Variants in TMEM19 observed in about 807,000 individuals in gnomAD.
The protein encoded by TMEM19 is transmembrane protein 19.
A neutral mutation model predicts 33.6 loss-of-function variants in TMEM19; 21 were observed. The ratio of observed to expected loss-of-function variants is 0.62; its 90% confidence interval spans 0.44 to 0.90. The LOEUF is 0.90. Ranked by LOEUF, TMEM19 falls within the 40% of genes least tolerant of loss-of-function variation. The probability of loss-of-function intolerance (pLI) is 0.00; values close to 1 mark genes in which losing one functional copy is unlikely to be tolerated. For missense variants in TMEM19, 402 were observed against 401.8 expected, an observed-to-expected ratio of 1.00 and a Z score of 0.00; for synonymous variants, 149 against 147.5, an observed-to-expected ratio of 1.01 and a Z score of -0.07.
intron 4 of TMEM19, among the ~76,000 whole-genome samples, chr12:71,698,604 GAA>G (rs1249678064): frequency 2.1e-5 from 2 of 96,046 alleles, no homozygotes; most frequent in African/African-American, 5.3e-5. Flanking sequence ...CCTTGTCTCT[GAA>G]AAGAGAGAGA....
Position 71,687,912 on chromosome 12 carries a change from CAA to C in TMEM19, c.130+1104_130+1105del, listed in dbSNP as rs539913051. On this transcript the variant is annotated intron_variant, in intron 1 of 5. Coordinates refer to ENST00000266673, the MANE Select transcript of TMEM19 (RefSeq NM_018279.4). ...GCCATTTCAGACTGTAGGCTTTTTG[CAA>C]AGAGACATGTGAATAGTTGGAAAGG... Among the ~76,000 whole-genome samples, 63 of 152,176 alleles carry C rather than the reference CAA, an allele frequency of 4.1e-4. No homozygotes were observed. In the South Asian group the frequency reaches 0.012, roughly 30 times the overall value.
chr12:71,694,572 G>T (rs1269183169), intron 2 of TMEM19, among the ~76,000 whole-genome samples: 2 of 152,198 alleles, frequency 1.3e-5, no homozygotes, highest in East Asian at 3.8e-4. Context: ...AAACATCACT[G>T]TTCAGGCATG....
rs925264354 is a variant in TMEM19 at position 71,702,101 on chromosome 12, CTG to C, written c.*1107_*1108del. The C allele has an allele frequency of 6.6e-6, 1 of 152,114 alleles. No homozygotes were observed. Among genetic ancestry groups the C allele is most frequent in the Non-Finnish European group, 1.5e-5 (1 of 68,028 alleles). 9.4% of individuals were successfully genotyped at this position (152,114 alleles called of 1,614,324 possible). A position where few individuals can be genotyped will look rare whatever the true frequency, so the allele number is the denominator to read the frequency against. On this transcript the variant is annotated 3_prime_UTR_variant, in exon 6 of 6. Coordinates refer to ENST00000266673, the MANE Select transcript of TMEM19 (RefSeq NM_018279.4). ...TGCCCCTTTTGCTTTTTTAAAGAAA[CTG>C]GGGAAGGATTTATGAATACACCACC...
Position 71,699,098 on chromosome 12 carries a change from T to A in TMEM19, c.836T>A (p.Met279Lys), listed in dbSNP as rs1279666929. ...SIVDSYLGAT[M>K]QYTGLDESTG... ...GTGGACTCATACTTAGGGGCTACAATGCAGTATACTGGTAAGAACATTCCT... is the reference window on the plus strand; with the variant it reads ...GTGGACTCATACTTAGGGGCTACAAAGCAGTATACTGGTAAGAACATTCCT... The change falls in exon 5 of 6, where the codon ATG becomes AAG. Residue 279 changes from methionine to lysine, a missense_variant. Transcript: ENST00000266673. The A allele has an allele frequency of 1.2e-5, 20 of 1,614,186 alleles. No individual in the cohort carries two copies. Among genetic ancestry groups the A allele is most frequent in the Non-Finnish European group, 1.6e-5 (19 of 1,180,010 alleles).
chr12:71,693,196 A>C (rs1440617041), intron 2 of TMEM19, among the ~76,000 whole-genome samples: 2 of 150,898 alleles, frequency 1.3e-5, no homozygotes, highest in Non-Finnish European at 3.0e-5. Flanking sequence ...CCCTGTCCCA[A>C]AAAAAAAATT....
intron 1 of TMEM19, among the ~76,000 whole-genome samples, chr12:71,688,321 C>T (rs1297622809): frequency 6.6e-6 from 1 of 152,184 alleles, no homozygotes; most frequent in African/African-American, 2.4e-5. Context: ...TCACTGCAAC[C>T]TCTGCCTTCT....
At chr12:71,696,711 A>T (rs973459901) in intron 3 of TMEM19, 138 bp downstream of exon 3, 2 of 690,140 alleles carry the variant, frequency 2.9e-6, no homozygotes, top group East Asian at 6.5e-5. Flanking sequence ...CACTGGCGCA[A>T]TCTCGGCTCG....
At position 71,703,642 on chromosome 12, in the gene TMEM19, T is replaced by C. The variant is rs573046625; in HGVS notation, c.*2647T>C. The C allele has an allele frequency of 1.6e-3, 263 of 160,602 alleles. 1 individual carries two copies. Among genetic ancestry groups the C allele is most frequent in the South Asian group, 3.9e-3 (23 of 5,854 alleles). 9.9% of individuals were successfully genotyped at this position (160,602 alleles called of 1,614,324 possible). A position where few individuals can be genotyped will look rare whatever the true frequency, so the allele number is the denominator to read the frequency against. On this transcript the variant is annotated 3_prime_UTR_variant, in exon 6 of 6. Coordinates refer to ENST00000266673, the MANE Select transcript of TMEM19 (RefSeq NM_018279.4). ...AATTTTTGAGCTATTCAAAAACTAATAGGATCTGTGTAAAATATTTCACTC... is the reference window on the plus strand; with the variant it reads ...AATTTTTGAGCTATTCAAAAACTAACAGGATCTGTGTAAAATATTTCACTC...
intron 1 of TMEM19, 118 bp from the exon 2 acceptor site, chr12:71,689,473 A>G: frequency 1.3e-6 from 1 of 760,368 alleles, no homozygotes; most frequent in Non-Finnish European, 2.4e-6. Context: ...TGGTGACTTC[A>G]TCTTGGTGTT....
At position 71,704,056 on chromosome 12, in the gene TMEM19, A is replaced by C. The variant is rs1188230502; in HGVS notation, c.*3061A>C. On this transcript the variant is annotated 3_prime_UTR_variant, in exon 6 of 6. Coordinates refer to ENST00000266673, the MANE Select transcript of TMEM19 (RefSeq NM_018279.4). ...ATAATAAAACTGCCTACCTAGCAGC[A>C]TAAAGGTGTACTGTTTCTTATCATA... 2.2e-6 allele frequency: 1 copy of C among 448,096 alleles called. No individual in the cohort carries two copies. The highest frequency in any genetic ancestry group is 7.0e-5 in the East Asian group (1 of 14,358). The allele number at this position is 448,096 out of a possible 1,614,324, so 27.8% of individuals were successfully genotyped here. A position where few individuals can be genotyped will look rare whatever the true frequency, so the allele number is the denominator to read the frequency against.
intron 5 of TMEM19, 51 bp downstream of exon 5, chr12:71,699,160 G>A: frequency 1.9e-6 from 3 of 1,585,274 alleles, no homozygotes; most frequent in South Asian, 1.1e-5. Context: ...AAAGAAATAG[G>A]GAAAAGAAAG....
chr12:71,703,412 G>C lies in TMEM19; in HGVS notation c.*2417G>C, dbSNP rs1198046541. 6.6e-6 allele frequency: 1 copy of C among 151,984 alleles called. No individual in the cohort carries two copies. The highest frequency in any genetic ancestry group is 1.5e-5 in the Non-Finnish European group (1 of 68,042). The allele number at this position is 151,984 out of a possible 1,614,324, so 9.4% of individuals were successfully genotyped here. A position where few individuals can be genotyped will look rare whatever the true frequency, so the allele number is the denominator to read the frequency against. On this transcript the variant is annotated 3_prime_UTR_variant, in exon 6 of 6. Transcript: ENST00000266673. ...ACAGCTACATCATTTATAAAATCAT[G>C]TGTCAGTTTTCACACAGCCTGCACA... is the stretch of plus-strand genomic sequence containing the variant.
chr12:71,700,748 A>T (rs1881962010), intron 5 of TMEM19, 84 bp from the exon 6 acceptor site: 1 of 1,333,192 alleles, frequency 7.5e-7, no homozygotes, highest in Non-Finnish European at 9.9e-7. Flanking sequence ...CTTAAAGTAT[A>T]ATAAAAAAAA....
Position 71,697,506 on chromosome 12 carries a change from G to C in TMEM19, c.609G>C (p.Leu203=), listed in dbSNP as rs756838390. 1.3e-6 allele frequency: 2 copies of C among 1,580,692 alleles called. No individual in the cohort carries two copies. The highest frequency in any genetic ancestry group is 3.8e-5 in the Admixed American group (2 of 52,456). ...TTCTGAGTAAAAGTTCTCCAAGACT[G>C]ATAACAACCTGGGAGAAAGTTCCAG... ...GPVLSKSSPR[L]ITTWEKVPVG... is the part of the protein sequence containing the mutation. The change falls in exon 4 of 6, where the codon CTG becomes CTC. Residue 203 remains leucine, a synonymous_variant. Transcript: ENST00000266673.
At chr12:71,692,618 A>G (rs1881803315) in intron 2 of TMEM19, among the ~76,000 whole-genome samples, 1 of 152,202 alleles carries the variant, frequency 6.6e-6, no homozygotes, top group African/African-American at 2.4e-5. Flanking sequence ...AGTAACTGAT[A>G]GTTCTAAAGT....
intron 5 of TMEM19, among the ~76,000 whole-genome samples, chr12:71,700,205 ACT>A (rs1881952468): frequency 6.6e-6 from 1 of 152,126 alleles, no homozygotes; most frequent in Non-Finnish European, 1.5e-5. Flanking sequence ...AGGGTCAATA[ACT>A]CTACACGCAC....
intron 2 of TMEM19, among the ~76,000 whole-genome samples, chr12:71,689,915 C>G (rs1002384324): frequency 2.0e-5 from 3 of 152,134 alleles, no homozygotes; most frequent in African/African-American, 7.2e-5. Context: ...AAATTAAACT[C>G]TGTGATTGAT....
chr12:71,695,631 A>G (rs11178895), intron 2 of TMEM19, among the ~76,000 whole-genome samples: 23,168 of 152,142 alleles, frequency 0.15, 2,509 homozygotes, highest in East Asian at 0.44. Flanking sequence ...ATATTAGGTA[A>G]CACTTATTAA....
rs557758812 is a variant in TMEM19 at position 71,698,032 on chromosome 12, C to T, written c.637+498C>T. 8.4e-4 allele frequency among the ~76,000 whole-genome samples: 128 copies of T among 152,250 alleles called. 5 individuals are homozygous for T. The South Asian group carries it at 0.026, about 31-fold the overall frequency. On this transcript the variant is annotated intron_variant, in intron 4 of 5. Coordinates refer to ENST00000266673, the MANE Select transcript of TMEM19 (RefSeq NM_018279.4). ...ATTTCAGATTTACGATTTTCAGATTCGGGATGTTCAACTGTTAAGTCTATA... is the reference window on the plus strand; with the variant it reads ...ATTTCAGATTTACGATTTTCAGATTTGGGATGTTCAACTGTTAAGTCTATA...
Sources: gnomAD v4.1 joint callset for allele counts (sites outside exome capture counted in the v4.1 genomes callset) on GRCh38, gnomAD v4.1.1 for gene constraint, MANE v1.5 for transcripts, NCBI Gene and HGNC (gene_info 2026-07-23, HGNC 2026-07-21) for gene names.